Variants in RTCA observed in about 807,000 individuals in gnomAD.
RTCA encodes RNA 3'-terminal phosphate cyclase, also known as RNA terminal phosphate cyclase domain 1.
In RTCA, 37 loss-of-function variants were observed where a neutral mutation model predicts 46.1. The observed-to-expected ratio is 0.80, with a 90% confidence interval of 0.62 to 1.06. The LOEUF is 1.06. Ranked by LOEUF, RTCA falls within the 50% of genes least tolerant of loss-of-function variation. The pLI is 0.00. For synonymous variants in RTCA, 164 were observed against 158.3 expected, an observed-to-expected ratio of 1.04 and a Z score of -0.27; for missense variants, 435 against 455.5, an observed-to-expected ratio of 0.95 and a Z score of 0.41.
rs754313770 is a variant in RTCA, at chr1:100,274,841, G to A, written c.491G>A (p.Gly164Glu). The A allele has an allele frequency of 1.7e-5, 27 of 1,611,664 alleles. No homozygotes were observed. The highest frequency in any genetic ancestry group is 2.2e-5 in the Non-Finnish European group (26 of 1,178,342). Residue 164 changes from glycine to glutamate, a missense_variant, in exon 6 of 11, where the codon GGG becomes GAG. Coordinates refer to ENST00000370128, the MANE Select transcript of RTCA (RefSeq NM_003729.4). ...TTTCATAGGGGATATTACCCAAAAG[G>A]GGGTGGTGAAGTGATTGTTCGAATG... Reference protein sequence around the residue: ...DIKTRGYYPKGGGEVIVRMSP... With the variant: ...DIKTRGYYPKEGGEVIVRMSP...
intron 9 of RTCA, among the ~76,000 whole-genome samples, chr1:100,286,454 C>CAAAAAAAAAAAAAAAAAA (rs754851046): frequency 2.2e-5 from 1 of 45,356 alleles, no homozygotes; most frequent in African/African-American, 8.0e-5. Context: ...GACTCCGTCT[C>CAAAAAAAAAAAAAAAAAA]AAAAAAAAAA....
chr1:100,266,251 G>A lies in RTCA; in HGVS notation c.-125G>A. The A allele has an allele frequency of 8.8e-7, 1 of 1,130,572 alleles. No homozygotes were observed. The allele number at this position is 1,130,572 out of a possible 1,614,324, so 70.0% of individuals were successfully genotyped here. ...GAGGCGCCGCTTCTTCCGCTTTCTC[G>A]TCAGGCTCCTGCGCCCCAGGCATGA... On this transcript the variant is annotated 5_prime_UTR_variant, in exon 1 of 11. Coordinates refer to ENST00000370128, the MANE Select transcript of RTCA (RefSeq NM_003729.4).
rs34035586 is a variant in RTCA, at chr1:100,291,929, CTTTTT to C, written c.*439_*443del. 3 of 133,422 alleles carry C rather than the reference CTTTTT, an allele frequency of 2.2e-5. No individual in the cohort carries two copies. The highest frequency in any genetic ancestry group is 7.6e-5 in the Admixed American group (1 of 13,230). The allele number at this position is 133,422 out of a possible 1,614,324, so 8.3% of individuals were successfully genotyped here. On this transcript the variant is annotated 3_prime_UTR_variant, in exon 11 of 11. Coordinates refer to ENST00000370128, the MANE Select transcript of RTCA (RefSeq NM_003729.4). ...TTGTTGTGACAACAATAACATTTTC[CTTTTT>C]TTTTTTTTTTTTTGAGACAGTCTCG...
At chr1:100,283,060 A>G (rs923537880) in intron 8 of RTCA, among the ~76,000 whole-genome samples, 6 of 151,290 alleles carry the variant, frequency 4.0e-5, no homozygotes, top group African/African-American at 1.5e-4. Context: ...ACCTCCCAAA[A>G]TGCTGGGATT....
At chr1:100,272,036 A>G (rs971608687) in intron 4 of RTCA, among the ~76,000 whole-genome samples, 4 of 152,208 alleles carry the variant, frequency 2.6e-5, no homozygotes, top group East Asian at 1.9e-4. Context: ...GTGTTCTCGT[A>G]TATGGATGTA....
At chr1:100,287,724 G>A (rs1193693109) in intron 10 of RTCA, among the ~76,000 whole-genome samples, 2 of 151,590 alleles carry the variant, frequency 1.3e-5, no homozygotes, top group Non-Finnish European at 2.9e-5. Flanking sequence ...TAGTAGAGTT[G>A]ACGTACAGTT....
chr1:100,277,357 G>A (rs1317868144), intron 8 of RTCA, 41 bp downstream of exon 8: 1 of 1,519,020 alleles, frequency 6.6e-7, no homozygotes, highest in South Asian at 1.2e-5. Flanking sequence ...CAATGCTACT[G>A]CAGAATTCTT....
intron 4 of RTCA, among the ~76,000 whole-genome samples, chr1:100,271,717 C>G (rs1368482105): frequency 6.6e-6 from 1 of 151,966 alleles, no homozygotes; most frequent in Non-Finnish European, 1.5e-5. Context: ...TCAATTGAAT[C>G]CACCCTTTTT....
At chr1:100,275,474 A>T in intron 6 of RTCA, 125 bp from the exon 7 acceptor site, 2 of 643,456 alleles carry the variant, frequency 3.1e-6, no homozygotes, top group Non-Finnish European at 5.0e-6. Flanking sequence ...GCTCTCTTGA[A>T]AATCAAGTTA....
intron 8 of RTCA, among the ~76,000 whole-genome samples, chr1:100,279,245 A>G (rs890527027): frequency 1.8e-4 from 28 of 152,196 alleles, no homozygotes; most frequent in African/African-American, 6.3e-4. Context: ...TTCAAAAGTG[A>G]CAGCTATGAT....
chr1:100,287,201 A>C lies in RTCA; in HGVS notation c.997A>C (p.Lys333Gln), dbSNP rs768934445. 5.1e-6 allele frequency: 8 copies of C among 1,559,990 alleles called. No individual in the cohort carries two copies. In the South Asian group the frequency reaches 8.5e-5, roughly 17 times the overall value. Residue 333 changes from lysine (K) to glutamine (Q), a missense_variant and splice_region_variant, in exon 10 of 11, where the codon AAG becomes CAG. By Grantham distance (53) the Lys-to-Gln change is moderately conservative (BLOSUM62 1). Coordinates refer to ENST00000370128, the MANE Select transcript of RTCA (RefSeq NM_003729.4). ...GATACATTTTGCTGAACAAATAGCA[A>C]AGGTGAGTATTCTATCAGAAAGGGA... The part of the protein sequence containing the change: ...TAIHFAEQIA[K>Q]AKFIVKKSED...
chr1:100,275,714 A>G lies in RTCA; in HGVS notation c.731A>G (p.Asn244Ser), dbSNP rs767927227. The change falls in exon 7 of 11, where the codon AAT (asparagine) becomes AGT (serine). Residue 244 changes from asparagine to serine, a missense_variant. Physicochemically the swap from Asn to Ser is conservative, Grantham distance 46. Coordinates refer to ENST00000370128, the MANE Select transcript of RTCA (RefSeq NM_003729.4). The stretch of plus-strand genomic sequence containing the variant: ...AAAGACCAAGCATTTGGCAATGGAA[A>G]TGGAATAATGTGAGACAATACTTTT... Reference protein sequence around the residue: ...EPKDQAFGNGNGIIIIAETST... With the variant: ...EPKDQAFGNGSGIIIIAETST... 4 of 1,609,368 alleles carry G rather than the reference A, an allele frequency of 2.5e-6. No homozygotes were observed. The highest frequency in any genetic ancestry group is 2.2e-5 in the East Asian group (1 of 44,696).
intron 4 of RTCA, among the ~76,000 whole-genome samples, chr1:100,272,159 A>G (rs1370243881): frequency 6.6e-6 from 1 of 152,194 alleles, no homozygotes; most frequent in Non-Finnish European, 1.5e-5. Flanking sequence ...GTGATTGTAC[A>G]TTTTCATTTC....
intron 2 of RTCA, 50 bp from the exon 3 acceptor site, chr1:100,268,102 A>T: frequency 2.5e-6 from 4 of 1,603,424 alleles, no homozygotes; most frequent in Non-Finnish European, 3.4e-6. Flanking sequence ...AAATGTGGGG[A>T]TGTAGGCAGT....
intron 10 of RTCA, 99 bp downstream of exon 10, chr1:100,287,302 C>A: frequency 1.3e-6 from 1 of 749,106 alleles, no homozygotes; most frequent in Non-Finnish European, 2.0e-6. Flanking sequence ...ATCATAATTG[C>A]TATCACTGTT....
chr1:100,274,996 A>C lies in RTCA; in HGVS notation c.615+31A>C, dbSNP rs1399010061. The C allele has an allele frequency of 2.6e-6, 4 of 1,560,788 alleles. No homozygotes were observed. In the African/African-American group the frequency reaches 5.4e-5, roughly 21 times the overall value. On this transcript the variant is annotated intron_variant, in intron 6 of 10. Transcript: ENST00000370128. ...TTGTTTAGATGTTCTTAGAAATAAAATATATGTGTGTCTTGATAAATATTA... is the reference window on the plus strand; with the variant it reads ...TTGTTTAGATGTTCTTAGAAATAAACTATATGTGTGTCTTGATAAATATTA...
chr1:100,289,133 T>C (rs1241312116), intron 10 of RTCA, among the ~76,000 whole-genome samples: 1 of 151,980 alleles, frequency 6.6e-6, no homozygotes, highest in African/African-American at 2.4e-5. Context: ...CTTTCTTTTT[T>C]TTTTTTCTTT....
chr1:100,270,803 C>A, intron 4 of RTCA, 123 bp downstream of exon 4: 1 of 1,156,228 alleles, frequency 8.6e-7, no homozygotes, highest in Admixed American at 2.5e-5. Context: ...GGTGTCTTTT[C>A]TTTCTTTCTT....
intron 9 of RTCA, among the ~76,000 whole-genome samples, chr1:100,286,484 C>CAAA (rs150553498): frequency 8.6e-6 from 1 of 116,706 alleles, no homozygotes; most frequent in Non-Finnish European, 1.8e-5. Context: ...AAACGAAAAA[C>CAAA]AAAAAAAACT....
Sources: allele counts gnomAD v4.1 joint callset (sites outside exome capture counted in the v4.1 genomes callset), GRCh38; gene constraint gnomAD v4.1.1; transcripts MANE v1.5; gene names NCBI Gene and HGNC (gene_info 2026-07-23, HGNC 2026-07-21).